The following RBMS3 variants were observed in gnomAD, a reference collection of about 807,000 sequenced individuals.
RBMS3 encodes RNA-binding motif, single-stranded-interacting protein 3.
RBMS3 carries 27 observed loss-of-function variants against 66.8 expected under a neutral mutation model. The ratio of observed to expected loss-of-function variants is 0.40; its 90% confidence interval spans 0.30 to 0.56. RBMS3 has a LOEUF of 0.56. Ranked by LOEUF, RBMS3 falls within the 20% of genes least tolerant of loss-of-function variation. RBMS3 has a pLI of 0.40. For synonymous variants in RBMS3, 188 were observed against 183.0 expected, an observed-to-expected ratio of 1.03 and a Z score of -0.22; for missense variants, 513 against 549.5, an observed-to-expected ratio of 0.93 and a Z score of 0.66.
In RBMS3 at chr3:29,643,330, C is replaced by A. The variant is rs941346927; in HGVS notation, c.399+56125C>A. Among the ~76,000 whole-genome samples, 6 of 152,048 alleles carry A rather than the reference C, an allele frequency of 3.9e-5. No homozygotes were observed. In the South Asian group the frequency reaches 1.0e-3, roughly 26 times the overall value. ...TGCATTAGCAGCCACACATGGGGAG[C>A]TTTTAGGAACAAGGTTTTTGGCCTG... On this transcript the variant is annotated intron_variant, in intron 4 of 14. Coordinates refer to ENST00000383767, the MANE Select transcript of RBMS3 (RefSeq NM_001003793.3).
At position 29,645,384 on chromosome 3, in the gene RBMS3, C is replaced by T. The variant is rs576200040; in HGVS notation, c.399+58179C>T. On this transcript the variant is annotated intron_variant, in intron 4 of 14. Coordinates refer to ENST00000383767, the MANE Select transcript of RBMS3 (RefSeq NM_001003793.3). ...GCTTTGTGTCTTATTCATTCTCTGC[C>T]AGGGTGTCTGGTGCTGTCCAAGGAA... Among the ~76,000 whole-genome samples, 195 of 152,278 alleles carry T rather than the reference C, an allele frequency of 1.3e-3. 5 individuals are homozygous for T. In the Middle Eastern group the frequency reaches 0.024, roughly 19 times the overall value.
At chr3:29,392,390 C>T (rs1018131150) in intron 1 of RBMS3, among the ~76,000 whole-genome samples, 1 of 152,222 alleles carries the variant, frequency 6.6e-6, no homozygotes, top group African/African-American at 2.4e-5. Flanking sequence ...TATTCCATCT[C>T]ATCCACCTGG....
intron 6 of RBMS3, among the ~76,000 whole-genome samples, chr3:29,821,628 G>T (rs1384897970): frequency 6.6e-6 from 1 of 152,138 alleles, no homozygotes; most frequent in African/African-American, 2.4e-5. Flanking sequence ...TTTATATTAT[G>T]AAGCCAGAAT....
At chr3:29,580,348 A>G (rs1317536969) in intron 3 of RBMS3, among the ~76,000 whole-genome samples, 5 of 152,202 alleles carry the variant, frequency 3.3e-5, no homozygotes, top group Non-Finnish European at 7.3e-5. Flanking sequence ...AGAAAGATAG[A>G]CTAATTCATA....
rs186190051 is a variant in RBMS3 at position 29,676,284 on chromosome 3, G to A, written c.400-63436G>A. Among the ~76,000 whole-genome samples the A allele has an allele frequency of 2.5e-3, 376 of 152,280 alleles. 2 individuals are homozygous for A. The highest frequency in any genetic ancestry group is 8.0e-3 in the African/African-American group (331 of 41,548). On this transcript the variant is annotated intron_variant, in intron 4 of 14. Transcript: ENST00000383767. ...ATACCGGGGCCTGTCGTGGAGTGGGGGAAGGGGGGAAGGATAGCATTAGGA... is the reference window on the plus strand; with the variant it reads ...ATACCGGGGCCTGTCGTGGAGTGGGAGAAGGGGGGAAGGATAGCATTAGGA...
intron 6 of RBMS3, among the ~76,000 whole-genome samples, chr3:29,807,770 TAAA>T (rs1559692748): frequency 6.6e-6 from 1 of 150,606 alleles, no homozygotes; most frequent in Admixed American, 6.6e-5. Flanking sequence ...ACCAAAAAAA[TAAA>T]AAAGTACTAT....
intron 3 of RBMS3, among the ~76,000 whole-genome samples, chr3:29,573,654 G>C (rs1397640084): frequency 6.6e-6 from 1 of 151,784 alleles, no homozygotes; most frequent in South Asian, 2.1e-4. Flanking sequence ...TGCATCCTTA[G>C]GTTCTTTATT....
chr3:29,408,970 C>T (rs1430843545), intron 1 of RBMS3, among the ~76,000 whole-genome samples: 1 of 152,148 alleles, frequency 6.6e-6, no homozygotes, highest in African/African-American at 2.4e-5. Context: ...CTTTATTTTA[C>T]TCCTGGTATA....
intron 1 of RBMS3, among the ~76,000 whole-genome samples, chr3:29,307,022 A>G (rs1254487273): frequency 3.3e-5 from 5 of 151,950 alleles, no homozygotes; most frequent in African/African-American, 7.2e-5. Flanking sequence ...AAAACACACA[A>G]TTAAAAGAAA....
intron 3 of RBMS3, among the ~76,000 whole-genome samples, chr3:29,576,865 AC>A (rs1388819769): frequency 6.6e-6 from 1 of 151,946 alleles, no homozygotes; most frequent in Non-Finnish European, 1.5e-5. Flanking sequence ...CCTGAGACTC[AC>A]CCTTCTGAGA....
At chr3:29,296,876 G>A (rs2033305145) in intron 1 of RBMS3, among the ~76,000 whole-genome samples, 1 of 140,820 alleles carries the variant, frequency 7.1e-6, no homozygotes, top group South Asian at 2.2e-4. Context: ...CTGAAAAGAT[G>A]ACCTTTTTTT....
rs140572375 is a variant in RBMS3 at position 29,910,229 on chromosome 3, C to T, written c.939+10474C>T. Among the ~76,000 whole-genome samples the T allele has an allele frequency of 7.7e-3, 1,166 of 151,986 alleles. 18 individuals carry two copies. The highest frequency in any genetic ancestry group is 0.025 in the African/African-American group (1,049 of 41,436). ...TCTAGAAAACAGCAAGTTACCAGGG[C>T]GACAATCATATAGAGGTAGGGTAGA... On this transcript the variant is annotated intron_variant, in intron 10 of 14. Transcript: ENST00000383767.
intron 1 of RBMS3, among the ~76,000 whole-genome samples, chr3:29,430,406 C>T (rs35539630): frequency 0.11 from 17,014 of 152,180 alleles, 1,365 homozygotes; most frequent in Admixed American, 0.25. Context: ...ATTCTTTCTT[C>T]ACAAGTCTGG....
intron 12 of RBMS3, among the ~76,000 whole-genome samples, chr3:29,974,774 TTGTTTTATATTTTATATA>T: frequency 6.8e-6 from 1 of 146,064 alleles, no homozygotes; most frequent in East Asian, 2.0e-4. Context: ...TTGTTTCTCA[TTGTTTTATATTTTATATA>T]TAAAATACGT....
intron 1 of RBMS3, among the ~76,000 whole-genome samples, chr3:29,395,507 C>G (rs563122489): frequency 6.6e-6 from 1 of 152,168 alleles, no homozygotes; most frequent in Non-Finnish European, 1.5e-5. Flanking sequence ...CCAAAATGCT[C>G]TTAATGCTGG....
At chr3:29,600,115 G>A (rs190112837) in intron 4 of RBMS3, among the ~76,000 whole-genome samples, 1 of 152,168 alleles carries the variant, frequency 6.6e-6, no homozygotes, top group Admixed American at 6.6e-5. Flanking sequence ...GTGGAAATGT[G>A]AATTGGTTTG....
chr3:29,439,214 T>A (rs1344598560), intron 2 of RBMS3, among the ~76,000 whole-genome samples: 1 of 152,140 alleles, frequency 6.6e-6, no homozygotes, highest in East Asian at 1.9e-4. Flanking sequence ...GAGATGATGT[T>A]AGAAGCTTGA....
chr3:29,768,379 T>C (rs56784629), intron 6 of RBMS3, among the ~76,000 whole-genome samples: 11,951 of 151,890 alleles, frequency 0.079, 620 homozygotes, highest in East Asian at 0.25. Flanking sequence ...GGTAACTGAT[T>C]AGATATATAA....
chr3:29,320,567 G>T (rs1335388381), intron 1 of RBMS3, among the ~76,000 whole-genome samples: 3 of 151,944 alleles, frequency 2.0e-5, no homozygotes, highest in Admixed American at 6.6e-5. Context: ...GAGAAAAACA[G>T]TCAAAGAGAA....
Sources: allele counts gnomAD v4.1 joint callset (sites outside exome capture counted in the v4.1 genomes callset), GRCh38; gene constraint gnomAD v4.1.1; transcripts MANE v1.5; gene names NCBI Gene and HGNC (gene_info 2026-07-23, HGNC 2026-07-21).